The following CHST9 variants were observed in gnomAD, a reference collection of about 807,000 sequenced individuals.
CHST9 encodes carbohydrate sulfotransferase 9.
Under a neutral mutation model 44.4 loss-of-function variants are expected in CHST9, and 41 were observed. That is an observed-to-expected ratio of 0.92 (90% CI 0.72 to 1.20). The LOEUF (loss-of-function observed/expected upper bound fraction) is 1.20. Among genes scored for constraint, CHST9 ranks in the 50% most tolerant of loss-of-function variants. The probability of loss-of-function intolerance (pLI) is 0.00; values close to 1 mark genes in which losing one functional copy is unlikely to be tolerated. For synonymous variants in CHST9, 171 were observed against 178.4 expected, an observed-to-expected ratio of 0.96 and a Z score of 0.33; for missense variants, 504 against 516.5, an observed-to-expected ratio of 0.98 and a Z score of 0.23.
intron 5 of CHST9, chr18:26,934,223 C>T (rs1466273840): frequency 1.3e-5 from 2 of 151,922 alleles, no homozygotes; most frequent in African/African-American, 2.4e-5. Context: ...AAGTAATTTA[C>T]ATTTTCTTTC....
chr18:27,129,516 C>T (rs1010508289), intron 2 of CHST9, among the ~76,000 whole-genome samples: 3 of 152,004 alleles, frequency 2.0e-5, no homozygotes, highest in Non-Finnish European at 4.4e-5. Flanking sequence ...CCCCAGTCAC[C>T]CATGTAGATG....
At chr18:27,043,266 T>C (rs531332327) in intron 3 of CHST9, among the ~76,000 whole-genome samples, 3 of 152,074 alleles carry the variant, frequency 2.0e-5, no homozygotes, top group African/African-American at 4.8e-5. Flanking sequence ...TCAACTCTTA[T>C]CCAGGAACCA....
chr18:27,104,431 C>G (rs553536797), intron 2 of CHST9, among the ~76,000 whole-genome samples: 2 of 152,304 alleles, frequency 1.3e-5, no homozygotes, highest in South Asian at 4.1e-4. Context: ...TTTTCTGTGA[C>G]TGGTGATAAA....
At chr18:27,062,545 T>G (rs2143619149) in intron 2 of CHST9, among the ~76,000 whole-genome samples, 1 of 152,334 alleles carries the variant, frequency 6.6e-6, no homozygotes, top group Non-Finnish European at 1.5e-5. Context: ...CCACATTTTC[T>G]TATCCAGTCT....
chr18:27,167,179 C>T (rs2058797401), intron 1 of CHST9, among the ~76,000 whole-genome samples: 1 of 152,200 alleles, frequency 6.6e-6, no homozygotes, highest in Non-Finnish European at 1.5e-5. Context: ...GCACCTGCTG[C>T]TTTTCAGATG....
intron 2 of CHST9, among the ~76,000 whole-genome samples, chr18:27,073,425 G>C (rs953574202): frequency 6.6e-6 from 1 of 151,238 alleles, no homozygotes; most frequent in African/African-American, 2.4e-5. Context: ...GGTGGGCAGC[G>C]CAGGTGCTGG....
rs986396820 is a variant in CHST9 at position 27,175,448 on chromosome 18, G to A, written c.-97+9688C>T. The stretch of plus-strand genomic sequence containing the variant: ...ATGCCTGGGCATTTATTTATTTTGG[G>A]GGGTGTAAGAAATTCAACAGCCCTG... On this transcript the variant is annotated intron_variant, in intron 1 of 5. Coordinates refer to ENST00000618847, the MANE Select transcript of CHST9 (RefSeq NM_031422.6). Among the ~76,000 whole-genome samples the A allele has an allele frequency of 7.9e-5, 12 of 152,094 alleles. No individual in the cohort carries two copies. The East Asian group carries it at 2.3e-3, about 29-fold the overall frequency.
At chr18:27,122,824 T>C (rs1000405084) in intron 2 of CHST9, among the ~76,000 whole-genome samples, 2 of 152,028 alleles carry the variant, frequency 1.3e-5, no homozygotes, top group African/African-American at 4.8e-5. Flanking sequence ...ACCTAATACA[T>C]CTCCAGTTTG....
chr18:26,994,372 TTGTG>T (rs149553721), intron 4 of CHST9, among the ~76,000 whole-genome samples: 1 of 151,646 alleles, frequency 6.6e-6, no homozygotes, highest in African/African-American at 2.4e-5. Context: ...TTACTCTGTG[TTGTG>T]TGTGTGTGTG....
chr18:27,137,113 A>T (rs1002479406), intron 2 of CHST9, among the ~76,000 whole-genome samples: 8 of 152,108 alleles, frequency 5.3e-5, no homozygotes, highest in African/African-American at 1.7e-4. Flanking sequence ...ACAATTAATA[A>T]GTCAACAAAT....
chr18:27,133,876 G>A (rs912486010), intron 2 of CHST9, among the ~76,000 whole-genome samples: 3 of 152,204 alleles, frequency 2.0e-5, no homozygotes, highest in African/African-American at 7.2e-5. Flanking sequence ...ATGGGAAGAC[G>A]AGGTGTGGCG....
At chr18:27,014,907 A>G (rs749476690) in intron 4 of CHST9, among the ~76,000 whole-genome samples, 1 of 150,754 alleles carries the variant, frequency 6.6e-6, no homozygotes, top group African/African-American at 2.4e-5. Flanking sequence ...TCTCTTTTCT[A>G]TTGTCTCTTT....
intron 1 of CHST9, among the ~76,000 whole-genome samples, chr18:27,173,962 T>C (rs1442103107): frequency 1.3e-5 from 2 of 152,048 alleles, no homozygotes; most frequent in Non-Finnish European, 2.9e-5. Context: ...ACATTTCTTT[T>C]TGCTGAACCA....
intron 2 of CHST9, among the ~76,000 whole-genome samples, chr18:27,101,051 T>C (rs1468495887): frequency 2.0e-5 from 3 of 152,168 alleles, no homozygotes. Context: ...AAGAGAACTA[T>C]AGGAAGCTTT....
intron 4 of CHST9, among the ~76,000 whole-genome samples, chr18:27,014,419 A>G (rs2057122059): frequency 7.8e-6 from 1 of 127,560 alleles, no homozygotes. Flanking sequence ...CCGCCACTGC[A>G]CTCCAGCCTG....
chr18:27,100,315 A>G (rs1322635167), intron 2 of CHST9, among the ~76,000 whole-genome samples: 4 of 152,180 alleles, frequency 2.6e-5, no homozygotes, highest in Non-Finnish European at 4.4e-5. Context: ...TACTATGCTC[A>G]GTATCTGGGT....
chr18:27,162,736 A>G (rs1471823591), intron 1 of CHST9, among the ~76,000 whole-genome samples: 1 of 152,016 alleles, frequency 6.6e-6, no homozygotes, highest in Non-Finnish European at 1.5e-5. Flanking sequence ...GAGGTTTTTA[A>G]CTTCTTTGCC....
At chr18:27,085,675 T>C (rs2058006031) in intron 2 of CHST9, among the ~76,000 whole-genome samples, 1 of 152,170 alleles carries the variant, frequency 6.6e-6, no homozygotes, top group Non-Finnish European at 1.5e-5. Context: ...CTGGTAGGAA[T>C]GTAAATTAGT....
chr18:26,943,965 C>T (rs1289204662), intron 5 of CHST9, among the ~76,000 whole-genome samples: 2 of 152,070 alleles, frequency 1.3e-5, no homozygotes, highest in African/African-American at 4.8e-5. Context: ...GAGAAAATCA[C>T]GGAGAGTCAC....
Sources: allele counts gnomAD v4.1 joint callset (sites outside exome capture counted in the v4.1 genomes callset), GRCh38; gene constraint gnomAD v4.1.1; transcripts MANE v1.5; gene names NCBI Gene and HGNC (gene_info 2026-07-23, HGNC 2026-07-21).